CAPN8: variants seen among roughly 807,000 people sequenced by gnomAD.
The protein encoded by CAPN8 is calpain 8.
CAPN8 carries 87 observed loss-of-function variants against 80.9 expected under a neutral mutation model. The ratio of observed to expected loss-of-function variants is 1.07; its 90% CI spans 0.90 to 1.28. CAPN8 has a LOEUF of 1.28. CAPN8 is among the 50% of genes most tolerant of loss of function. The probability of loss-of-function intolerance (pLI) is 0.00; values close to 1 mark genes in which losing one functional copy is unlikely to be tolerated. For missense variants in CAPN8, 757 were observed against 702.0 expected (o/e 1.08, Z -0.89); for synonymous variants, 299 against 273.8 (o/e 1.09, Z -0.91).
At chr1:223,545,638 T>G (rs1656601002) in intron 16 of CAPN8, among the ~76,000 whole-genome samples, 1 of 152,112 alleles carries the variant, frequency 6.6e-6, no homozygotes, top group African/African-American at 2.4e-5. Context: ...TACATTTCTG[T>G]GATTGATCAT....
chr1:223,647,405 A>G (rs1283944411), intron 2 of CAPN8, among the ~76,000 whole-genome samples: 1 of 152,214 alleles, frequency 6.6e-6, no homozygotes, highest in Non-Finnish European at 1.5e-5. Context: ...AAAAATGCAT[A>G]AATGATTTTT....
In CAPN8 at chr1:223,626,996, G is replaced by A. The variant is rs1475795446; in HGVS notation, c.722C>T (p.Ser241Phe). The change falls in exon 5 of 21, where the codon TCC becomes TTC. Residue 241 changes from serine to phenylalanine, a missense_variant. Ser to Phe is a radical substitution (Grantham distance 155). Coordinates refer to ENST00000366872, the MANE Select transcript of CAPN8 (RefSeq NM_001143962.2). Reference protein sequence around the residue: ...ALCAGSLLGCSIDVSSAAEAE... With the variant: ...ALCAGSLLGCFIDVSSAAEAE... ...AGAAGCCATATGCCTCACATCAATG[G>A]AGCAGCCCAGCAGAGACCCCGCACA... 1 of 1,551,426 alleles carries A rather than the reference G, an allele frequency of 6.4e-7. No homozygotes were observed. The highest frequency in any genetic ancestry group is 8.7e-7 in the Non-Finnish European group (1 of 1,146,802).
chr1:223,644,994 A>G (rs1252825659), intron 2 of CAPN8, among the ~76,000 whole-genome samples: 1 of 152,180 alleles, frequency 6.6e-6, no homozygotes, highest in Admixed American at 6.5e-5. Flanking sequence ...AAATTCCACA[A>G]TAAGCCGTCT....
intron 1 of CAPN8, 26 bp downstream of exon 1, chr1:223,665,384 A>G: frequency 1.3e-6 from 2 of 1,537,508 alleles, no homozygotes; most frequent in Non-Finnish European, 1.8e-6. Flanking sequence ...CTTGTATGTC[A>G]CTCAACAGCA....
chr1:223,629,232 T>TGTGTGTGTGTGTGTGTGTGTGTGTGTG (rs68132305), intron 2 of CAPN8, among the ~76,000 whole-genome samples: 1 of 132,528 alleles, frequency 7.5e-6, no homozygotes, highest in Non-Finnish European at 1.6e-5. Flanking sequence ...GTGTGTGTGT[T>TGTGTGTGTGTGTGTGTGTGTGTGTGTG]TATGTTCCTT....
chr1:223,650,347 G>C (rs979978673), intron 2 of CAPN8, among the ~76,000 whole-genome samples: 1 of 152,174 alleles, frequency 6.6e-6, no homozygotes, highest in Non-Finnish European at 1.5e-5. Context: ...TGGTTTTAGA[G>C]GAGGTTCCCA....
At position 223,619,293 on chromosome 1, in the gene CAPN8, C is replaced by G. The variant is rs765265205; in HGVS notation, c.1135G>C (p.Ala379Pro). ...GGGCCAAGGCAGCCCTTCACCTTAC[C>G]TGGGTAGTTCTGGCAGCCCCCAGCT... is the stretch of plus-strand genomic sequence containing the variant. ...STAGGCQNYP[A>P]TYWTNPQFKI... The change falls in exon 9 of 21, where the codon GCC becomes CCC. Residue 379 changes from alanine (A) to proline (P), a missense_variant and splice_region_variant. Physicochemically the swap from Ala to Pro is conservative, Grantham distance 27 (BLOSUM62 -1). Coordinates refer to ENST00000366872, the MANE Select transcript of CAPN8 (RefSeq NM_001143962.2). The G allele has an allele frequency of 1.3e-6, 2 of 1,551,638 alleles. No homozygotes were observed. Among genetic ancestry groups the G allele is most frequent in the South Asian group, 2.4e-5 (2 of 84,048 alleles).
chr1:223,663,408 A>T (rs1196337278), intron 1 of CAPN8, among the ~76,000 whole-genome samples: 1 of 152,084 alleles, frequency 6.6e-6, no homozygotes, highest in South Asian at 2.1e-4. Context: ...TTCACCACCC[A>T]GTTGTGACAA....
intron 15 of CAPN8, among the ~76,000 whole-genome samples, chr1:223,550,708 G>C (rs1356945332): frequency 6.6e-6 from 1 of 152,126 alleles, no homozygotes; most frequent in Non-Finnish European, 1.5e-5. Flanking sequence ...TTGACACTAT[G>C]GAGCTTTGTT....
intron 9 of CAPN8, chr1:223,618,156 G>C (rs1047539284): frequency 4.9e-6 from 7 of 1,428,256 alleles, no homozygotes; most frequent in Non-Finnish European, 5.8e-6. Flanking sequence ...AGGGAACATG[G>C]GGAGCAGGAG....
At position 223,661,621 on chromosome 1, in the gene CAPN8, G is replaced by C. The variant is rs542401202; in HGVS notation, c.237+3789C>G. ...CTCCGGCCTGGGTGACAAGACAAGA[G>C]TGAAACTCCATCTCAAAAAAGAAAA... On this transcript the variant is annotated intron_variant, in intron 1 of 20. Coordinates refer to ENST00000366872, the MANE Select transcript of CAPN8 (RefSeq NM_001143962.2). 1.4e-3 allele frequency among the ~76,000 whole-genome samples: 210 copies of C among 152,186 alleles called. 2 individuals are homozygous for C. The South Asian group carries it at 0.042, about 30-fold the overall frequency.
intron 14 of CAPN8, among the ~76,000 whole-genome samples, chr1:223,552,995 T>A (rs1656829937): frequency 6.6e-6 from 1 of 152,204 alleles, no homozygotes; most frequent in African/African-American, 2.4e-5. Flanking sequence ...AAAGGAACTG[T>A]TCCCAGGTTT....
intron 16 of CAPN8, among the ~76,000 whole-genome samples, chr1:223,547,450 T>C (rs1226134061): frequency 6.6e-6 from 1 of 152,178 alleles, no homozygotes; most frequent in Non-Finnish European, 1.5e-5. Flanking sequence ...TGCCTAGGGA[T>C]GGTCGTGGAG....
chr1:223,623,639 C>A (rs1369103699), intron 6 of CAPN8, among the ~76,000 whole-genome samples: 3 of 152,194 alleles, frequency 2.0e-5, no homozygotes, highest in Non-Finnish European at 4.4e-5. Flanking sequence ...TATCCCCCAA[C>A]TCACCTAGCC....
intron 2 of CAPN8, among the ~76,000 whole-genome samples, chr1:223,646,971 G>A (rs1248141913): frequency 6.6e-6 from 1 of 152,186 alleles, no homozygotes; most frequent in African/African-American, 2.4e-5. Flanking sequence ...AGGCAGCTCA[G>A]CCAAGCGGGA....
intron 20 of CAPN8, among the ~76,000 whole-genome samples, chr1:223,542,493 A>G (rs868741750): frequency 5.3e-5 from 8 of 152,114 alleles, no homozygotes; most frequent in Non-Finnish European, 1.0e-4. Context: ...ACAATGGGGC[A>G]CAGCCAGTAA....
chr1:223,627,349 C>G (rs1439179884), intron 4 of CAPN8, among the ~76,000 whole-genome samples, 192 bp from the exon 5 acceptor site: 1 of 152,230 alleles, frequency 6.6e-6, no homozygotes, highest in Non-Finnish European at 1.5e-5. Context: ...TCACTAGGAA[C>G]TGACCTCAGC....
chr1:223,628,255 CCT>C, intron 3 of CAPN8, 113 bp from the exon 4 acceptor site: 1 of 1,249,856 alleles, frequency 8.0e-7, no homozygotes, highest in South Asian at 1.6e-5. Flanking sequence ...AGTCTTGGCT[CCT>C]TAGGAGCAGG....
intron 16 of CAPN8, 81 bp from the exon 17 acceptor site, chr1:223,545,380 G>C: frequency 6.5e-7 from 1 of 1,544,936 alleles, no homozygotes; most frequent in Non-Finnish European, 8.7e-7. Flanking sequence ...GCTTGCATGA[G>C]TGCCTTAAGG....
Sources: allele counts gnomAD v4.1 joint callset (sites outside exome capture counted in the v4.1 genomes callset), GRCh38; gene constraint gnomAD v4.1.1; transcripts MANE v1.5; gene names NCBI Gene and HGNC (gene_info 2026-07-23, HGNC 2026-07-21).